AP2B1: variants seen among roughly 807,000 people sequenced by gnomAD.
AP2B1 encodes adaptor related protein complex 2 subunit beta 1.
Under a neutral mutation model 102.0 loss-of-function variants are expected in AP2B1, and 23 were observed. That is an observed-to-expected ratio of 0.23 (90% CI 0.16 to 0.32). The LOEUF (loss-of-function observed/expected upper bound fraction) is 0.32. Ranked by LOEUF, AP2B1 falls within the 10% of genes least tolerant of loss-of-function variation. The pLI, the probability that AP2B1 is intolerant of heterozygous loss-of-function variation, is 1.00. For missense variants in AP2B1, 541 were observed against 1,157.4 expected (o/e 0.47, Z 7.73); for synonymous variants, 381 against 421.2 (o/e 0.90, Z 1.17).
Position 35,724,952 on chromosome 17 carries a change from GC to G in AP2B1, c.*1257del, listed in dbSNP as rs1354726369. The G allele has an allele frequency of 6.6e-6, 1 of 152,214 alleles. No homozygotes were observed. The highest frequency in any genetic ancestry group is 6.5e-5 in the Admixed American group (1 of 15,282). The allele number at this position is 152,214 out of a possible 1,614,324, so 9.4% of individuals were successfully genotyped here. On this transcript the variant is annotated 3_prime_UTR_variant, in exon 22 of 22. Transcript: ENST00000610402. The stretch of plus-strand genomic sequence containing the variant: ...AAGGTGTAGCCAGTGTTTCCCATAT[GC>G]CCCTGGAGCCCCACTTATTGAGGCC...
At position 35,671,881 on chromosome 17, in the gene AP2B1, G is replaced by A. The variant is rs2075595832; in HGVS notation, c.2159G>A (p.Gly720Glu). Reference protein sequence around the residue: ...LSTGIGMAPGGYVAPKAVWLP... With the variant: ...LSTGIGMAPGEYVAPKAVWLP... ...ACAGGGATAGGCATGGCACCTGGTG[G>A]ATATGTGGCTCCTAAGGCTGTAAGT... Residue 720 changes from glycine (G) to glutamate (E), a missense_variant, in exon 16 of 22, where the codon GGA becomes GAA. Around this residue, in one of 10 missense-constraint regions of AP2B1, gnomAD observed 62 missense variants for 87.6 expected, o/e 0.71. Coordinates refer to ENST00000610402, the MANE Select transcript of AP2B1 (RefSeq NM_001030006.2). 9.9e-6 allele frequency: 16 copies of A among 1,613,968 alleles called. No homozygotes were observed. Among genetic ancestry groups the A allele is most frequent in the Non-Finnish European group, 1.4e-5 (16 of 1,179,970 alleles).
chr17:35,703,264 CAA>C (rs57503007), intron 18 of AP2B1, among the ~76,000 whole-genome samples: 8 of 101,916 alleles, frequency 7.8e-5, no homozygotes, highest in Admixed American at 1.2e-4. Flanking sequence ...GACTCCATCT[CAA>C]AAAAAAAAAA....
At chr17:35,614,254 A>G (rs561041632) in intron 5 of AP2B1, among the ~76,000 whole-genome samples, 1 of 152,208 alleles carries the variant, frequency 6.6e-6, no homozygotes, top group South Asian at 2.1e-4. Context: ...CTGGTGTGCA[A>G]TGGCTTGATC....
intron 13 of AP2B1, among the ~76,000 whole-genome samples, chr17:35,653,254 C>G (rs1350177131): frequency 6.6e-6 from 1 of 152,112 alleles, no homozygotes; most frequent in African/African-American, 2.4e-5. Context: ...ATTGTTATCA[C>G]TGAAGAAATT....
intron 18 of AP2B1, among the ~76,000 whole-genome samples, chr17:35,696,615 C>T (rs988023894): frequency 6.6e-6 from 1 of 151,894 alleles, no homozygotes; most frequent in Non-Finnish European, 1.5e-5. Flanking sequence ...TCTCGAACAA[C>T]TAACCTCAAG....
At chr17:35,668,661 AAC>A (rs1203146656) in intron 14 of AP2B1, among the ~76,000 whole-genome samples, 1 of 152,192 alleles carries the variant, frequency 6.6e-6, no homozygotes, top group African/African-American at 2.4e-5. Flanking sequence ...ATTTTTTTAA[AAC>A]ACATATCAAC....
chr17:35,666,920 G>A (rs989963576), intron 14 of AP2B1, among the ~76,000 whole-genome samples: 1 of 152,188 alleles, frequency 6.6e-6, no homozygotes, highest in Non-Finnish European at 1.5e-5. Flanking sequence ...AGAATCGCTT[G>A]AGCCCAGGAA....
chr17:35,711,885 T>A (rs1382383453), intron 20 of AP2B1, among the ~76,000 whole-genome samples: 1 of 152,232 alleles, frequency 6.6e-6, no homozygotes, highest in Non-Finnish European at 1.5e-5. Context: ...TATCCTGTGA[T>A]ACCTCTTTTA....
intron 1 of AP2B1, among the ~76,000 whole-genome samples, chr17:35,593,198 T>C (rs893160840): frequency 2.0e-5 from 3 of 152,210 alleles, no homozygotes; most frequent in Admixed American, 6.5e-5. Context: ...TCCAAAAATA[T>C]AGTTAGATAC....
intron 14 of AP2B1, among the ~76,000 whole-genome samples, chr17:35,666,789 C>A (rs1395209563): frequency 6.6e-6 from 1 of 152,086 alleles, no homozygotes; most frequent in Non-Finnish European, 1.5e-5. Flanking sequence ...TGATTTTGTA[C>A]CCTACCTGAT....
chr17:35,600,729 A>T (rs921065545), intron 3 of AP2B1, among the ~76,000 whole-genome samples: 1 of 152,234 alleles, frequency 6.6e-6, no homozygotes, highest in Non-Finnish European at 1.5e-5. Context: ...TTAACTTTTT[A>T]AAAATTTCTC....
chr17:35,624,609 C>G (rs1343286998), intron 6 of AP2B1, 22 bp downstream of exon 6: 1 of 1,601,902 alleles, frequency 6.2e-7, no homozygotes, highest in Non-Finnish European at 8.5e-7. Flanking sequence ...TTCCTGGCTA[C>G]TTTCTGGTAG....
intron 9 of AP2B1, among the ~76,000 whole-genome samples, chr17:35,635,540 C>T (rs141062732): frequency 0.014 from 2,111 of 152,110 alleles, 40 homozygotes; most frequent in African/African-American, 0.048. Context: ...CCTGCCACCA[C>T]GCCCGGCTAA....
intron 9 of AP2B1, among the ~76,000 whole-genome samples, chr17:35,635,572 C>T (rs1356524563): frequency 6.6e-6 from 1 of 152,018 alleles, no homozygotes; most frequent in Non-Finnish European, 1.5e-5. Flanking sequence ...TTAGTAGAAA[C>T]AGGGTTTCAC....
At chr17:35,656,112 T>G (rs2075212387) in intron 13 of AP2B1, among the ~76,000 whole-genome samples, 1 of 152,194 alleles carries the variant, frequency 6.6e-6, no homozygotes, top group Non-Finnish European at 1.5e-5. Flanking sequence ...TTTAATGAAG[T>G]TCAGTTTATT....
At chr17:35,627,832 A>G in intron 9 of AP2B1, 106 bp downstream of exon 9, 1 of 914,996 alleles carries the variant, frequency 1.1e-6, no homozygotes, top group South Asian at 2.0e-5. Flanking sequence ...TAAAGCACAC[A>G]GTTTCAATGT....
intron 1 of AP2B1, chr17:35,588,696 G>C (rs148492710): frequency 2.1e-4 from 32 of 152,348 alleles, no homozygotes; most frequent in African/African-American, 7.7e-4. Context: ...AAGAAAACGT[G>C]TTAAGACATT....
At chr17:35,638,211 T>G (rs1461846772) in intron 10 of AP2B1, among the ~76,000 whole-genome samples, 1 of 152,204 alleles carries the variant, frequency 6.6e-6, no homozygotes, top group African/African-American at 2.4e-5. Flanking sequence ...TTCTGGTTTA[T>G]GGTTAATAAA....
chr17:35,616,145 T>C (rs1228479991), intron 5 of AP2B1, among the ~76,000 whole-genome samples: 9 of 3,260 alleles, frequency 2.8e-3, no homozygotes, highest in Admixed American at 4.0e-3. Context: ...AATATCTCTT[T>C]TTTTTTTTTT....
Sources: gnomAD v4.1 joint callset for allele counts (sites outside exome capture counted in the v4.1 genomes callset) on GRCh38, gnomAD v4.1.1 for gene constraint, gnomAD v4.1.1 regional missense constraint, MANE v1.5 for transcripts, NCBI Gene and HGNC (gene_info 2026-07-23, HGNC 2026-07-21) for gene names.